CIMAP1D: variants seen among roughly 807,000 people sequenced by gnomAD.
CIMAP1D encodes CIMAP1 family member D, also known as protein CIMAP1D.
At chr19:473,722 T>C in the CIMAP1D span, among the ~76,000 whole-genome samples, 3 of 120,174 alleles carry the variant, frequency 2.5e-5, no homozygotes, top group African/African-American at 3.7e-5. Flanking sequence ...CAGGCAGAGA[T>C]ACACGATCAC....
At chr19:468,108 G>A in the CIMAP1D span, among the ~76,000 whole-genome samples, 4 of 152,142 alleles carry the variant, frequency 2.6e-5, no homozygotes, top group Non-Finnish European at 5.9e-5. Flanking sequence ...GTGCACACCT[G>A]TAATCCCAGC....
chr19:491,148 G>A, the CIMAP1D span, among the ~76,000 whole-genome samples: 122 of 151,210 alleles, frequency 8.1e-4, no homozygotes, highest in Non-Finnish European at 1.4e-3. Context: ...ATGGTGGCAC[G>A]TGCCTATAAT....
At chr19:488,015 C>G in the CIMAP1D span, among the ~76,000 whole-genome samples, 8 of 152,034 alleles carry the variant, frequency 5.3e-5, no homozygotes, top group African/African-American at 9.7e-5. Flanking sequence ...AGTCACGTAC[C>G]CCCTGCTTGT....
chr19:480,850 G>GATGATGGAGAACA, the CIMAP1D span, among the ~76,000 whole-genome samples: 248 of 114,066 alleles, frequency 2.2e-3, 2 homozygotes, highest in African/African-American at 0.011. Context: ...TGATGGGAAG[G>GATGATGGAGAACA]ATGATGGAGA....
At chr19:479,338 A>T in the CIMAP1D span, among the ~76,000 whole-genome samples, 6 of 149,420 alleles carry the variant, frequency 4.0e-5, no homozygotes, top group African/African-American at 7.4e-5. Flanking sequence ...AGGGCTGTAG[A>T]AGCTCAGGAA....
At chr19:482,404 C>A in the CIMAP1D span, among the ~76,000 whole-genome samples, 1 of 152,132 alleles carries the variant, frequency 6.6e-6, no homozygotes, top group Non-Finnish European at 1.5e-5. Flanking sequence ...TTGCTGCCCC[C>A]AGGGGACACT....
chr19:490,038 TAGTA>T, the CIMAP1D span: 132 of 398,436 alleles, frequency 3.3e-4, no homozygotes, highest in African/African-American at 2.1e-3. Flanking sequence ...AAATGGGTGG[TAGTA>T]AGTAAAATAA....
the CIMAP1D span, among the ~76,000 whole-genome samples, chr19:488,682 T>C: frequency 6.6e-6 from 1 of 152,118 alleles, no homozygotes; most frequent in East Asian, 1.9e-4. Context: ...AGAATCCGCG[T>C]CCCGGAACCT....
At chr19:472,712 C>T in the CIMAP1D span, 2 of 523,478 alleles carry the variant, frequency 3.8e-6, no homozygotes, top group South Asian at 2.5e-5. Context: ...AAGCTGGGGA[C>T]AGCAGCCCCC....
chr19:482,864 G>A, the CIMAP1D span, among the ~76,000 whole-genome samples: 1 of 152,048 alleles, frequency 6.6e-6, no homozygotes, highest in Non-Finnish European at 1.5e-5. Context: ...GCCCCTCGAC[G>A]GGCACCGAGG....
chr19:476,645 C>T, the CIMAP1D span, among the ~76,000 whole-genome samples: 1 of 152,046 alleles, frequency 6.6e-6, no homozygotes, highest in Non-Finnish European at 1.5e-5. Flanking sequence ...AGTCTTAGTA[C>T]ATATCAAACT....
At chr19:468,274 G>A in the CIMAP1D span, among the ~76,000 whole-genome samples, 2 of 152,112 alleles carry the variant, frequency 1.3e-5, no homozygotes, top group Admixed American at 6.5e-5. Flanking sequence ...GCTGAAGGGG[G>A]AGGATCACTT....
the CIMAP1D span, chr19:464,253 A>G: frequency 6.5e-7 from 1 of 1,533,326 alleles, no homozygotes. Context: ...TGAGGTGTCC[A>G]GGGGCTTCAG....
chr19:488,802 C>G, the CIMAP1D span, among the ~76,000 whole-genome samples: 1 of 152,218 alleles, frequency 6.6e-6, no homozygotes. Context: ...CTTGGGCGAA[C>G]GGCCAGGCCT....
At chr19:464,732 G>A in the CIMAP1D span, among the ~76,000 whole-genome samples, 382 of 152,280 alleles carry the variant, frequency 2.5e-3, 5 homozygotes, top group African/African-American at 8.9e-3. Flanking sequence ...TGCCCCACCA[G>A]ACTGGGATCC....
At chr19:464,317 G>T in the CIMAP1D span, 1 of 1,538,938 alleles carries the variant, frequency 6.5e-7, no homozygotes, top group Non-Finnish European at 8.7e-7. Flanking sequence ...CGCACAGGGG[G>T]CACCTTCTCT....
chr19:478,088 G>A, the CIMAP1D span, among the ~76,000 whole-genome samples: 8 of 152,202 alleles, frequency 5.3e-5, no homozygotes, highest in Non-Finnish European at 1.0e-4. Flanking sequence ...CCATTTGCTC[G>A]TTTCCAGAGG....
chr19:476,114 T>C, the CIMAP1D span, among the ~76,000 whole-genome samples: 1 of 148,308 alleles, frequency 6.7e-6, no homozygotes, highest in Non-Finnish European at 1.5e-5. Flanking sequence ...TTCTCCTGCC[T>C]CAGCCTCTCG....
chr19:489,358 T>G, the CIMAP1D span: 1 of 130,092 alleles, frequency 7.7e-6, no homozygotes, highest in East Asian at 2.3e-4. Flanking sequence ...GGCCCCGACC[T>G]CTGACCCGCC....
Sources: allele counts gnomAD v4.1 joint callset (sites outside exome capture counted in the v4.1 genomes callset), GRCh38; gene constraint gnomAD v4.1.1; transcripts MANE v1.5; gene names NCBI Gene and HGNC (gene_info 2026-07-23, HGNC 2026-07-21).